Variants in KLHL32 observed in about 807,000 individuals in gnomAD.
KLHL32 encodes the protein kelch like family member 32.
KLHL32 carries 35 observed loss-of-function variants against 64.8 expected under a neutral mutation model. The observed-to-expected ratio is 0.54, with a 90% CI of 0.41 to 0.72. The LOEUF (loss-of-function observed/expected upper bound fraction) is 0.72. Ranked by LOEUF, KLHL32 falls within the 30% of genes least tolerant of loss-of-function variation. The pLI, the probability that KLHL32 is intolerant of heterozygous loss-of-function variation, is 0.00. For missense variants in KLHL32, 589 were observed against 768.5 expected (o/e 0.77, Z 2.76); for synonymous variants, 259 against 281.0 (o/e 0.92, Z 0.78).
chr6:97,027,893 A>G (rs1782965695), intron 3 of KLHL32, among the ~76,000 whole-genome samples: 1 of 152,160 alleles, frequency 6.6e-6, no homozygotes, highest in African/African-American at 2.4e-5. Context: ...CTGTTACTGT[A>G]TATATTTGAA....
chr6:97,060,809 C>A (rs1175457637), intron 4 of KLHL32, among the ~76,000 whole-genome samples: 1 of 152,152 alleles, frequency 6.6e-6, no homozygotes, highest in Non-Finnish European at 1.5e-5. Flanking sequence ...CCTTCTCCTG[C>A]ACTTGTGGGT....
chr6:96,952,127 A>T (rs1425344069), intron 1 of KLHL32, among the ~76,000 whole-genome samples: 2 of 152,164 alleles, frequency 1.3e-5, no homozygotes, highest in Non-Finnish European at 2.9e-5. Flanking sequence ...ATGGGATGGC[A>T]TCCTGTCCAG....
chr6:96,962,012 G>A (rs1053658017), intron 1 of KLHL32, among the ~76,000 whole-genome samples: 4 of 152,180 alleles, frequency 2.6e-5, no homozygotes, highest in Non-Finnish European at 4.4e-5. Flanking sequence ...TAACTAGTGG[G>A]AGTTTAGTTA....
At chr6:97,079,565 A>G (rs1792160616) in intron 5 of KLHL32, among the ~76,000 whole-genome samples, 1 of 152,060 alleles carries the variant, frequency 6.6e-6, no homozygotes, top group African/African-American at 2.4e-5. Context: ...CCACACAGAA[A>G]GACTGAGTTT....
upstream of KLHL32, among the ~76,000 whole-genome samples, chr6:96,920,711 G>GT (rs1166418322): frequency 6.6e-6 from 1 of 152,060 alleles, no homozygotes; most frequent in Non-Finnish European, 1.5e-5. Flanking sequence ...GATCTAATCT[G>GT]TTTTTTAAAT....
At chr6:96,982,937 G>A (rs1179183524) in intron 3 of KLHL32, among the ~76,000 whole-genome samples, 1 of 152,260 alleles carries the variant, frequency 6.6e-6, no homozygotes, top group Non-Finnish European at 1.5e-5. Flanking sequence ...AGTGGTGAGA[G>A]AGGGCATCCC....
intron 6 of KLHL32, among the ~76,000 whole-genome samples, chr6:97,086,978 G>C (rs1269533884): frequency 6.6e-6 from 1 of 152,222 alleles, no homozygotes; most frequent in Non-Finnish European, 1.5e-5. Context: ...GGCACTGCCA[G>C]AGATTGACGT....
At chr6:97,057,286 C>T (rs1244235131) in intron 4 of KLHL32, among the ~76,000 whole-genome samples, 3 of 103,942 alleles carry the variant, frequency 2.9e-5, no homozygotes, top group Non-Finnish European at 5.5e-5. Context: ...CGGGTTCACG[C>T]CATTCTCCTG....
intron 3 of KLHL32, among the ~76,000 whole-genome samples, chr6:96,991,058 G>A (rs1444342497): frequency 6.6e-6 from 1 of 152,038 alleles, no homozygotes; most frequent in Non-Finnish European, 1.5e-5. Flanking sequence ...GAAGCGCAGG[G>A]GGTCAAGGCC....
chr6:97,124,213 G>T (rs1201260686), intron 7 of KLHL32, among the ~76,000 whole-genome samples: 1 of 152,150 alleles, frequency 6.6e-6, no homozygotes, highest in African/African-American at 2.4e-5. Context: ...ATCCTGACTT[G>T]GCAAAAGTTG....
At chr6:96,999,052 G>A (rs943271464) in intron 3 of KLHL32, among the ~76,000 whole-genome samples, 11 of 152,164 alleles carry the variant, frequency 7.2e-5, no homozygotes, top group Non-Finnish European at 1.5e-4. Context: ...CATCTAATAG[G>A]CAGATTAACA....
intron 4 of KLHL32, chr6:97,062,240 A>G (rs1789027373): frequency 2.0e-5 from 3 of 152,238 alleles, no homozygotes; most frequent in Admixed American, 2.0e-4. Flanking sequence ...GGAGGTTATC[A>G]TAAATACCAG....
chr6:96,932,026 G>T (rs759117772), intron 1 of KLHL32, among the ~76,000 whole-genome samples: 1 of 151,912 alleles, frequency 6.6e-6, no homozygotes, highest in Non-Finnish European at 1.5e-5. Flanking sequence ...AGAGTCTCTC[G>T]TTCACTTGTT....
chr6:96,980,669 T>C (rs1776201029), intron 3 of KLHL32, among the ~76,000 whole-genome samples: 1 of 152,116 alleles, frequency 6.6e-6, no homozygotes, highest in South Asian at 2.1e-4. Flanking sequence ...ATGATACTTG[T>C]CCCATAGAAA....
At chr6:96,911,245 A>G in the KLHL32 span, among the ~76,000 whole-genome samples, 3 of 152,140 alleles carry the variant, frequency 2.0e-5, no homozygotes, top group African/African-American at 7.2e-5. Flanking sequence ...TGTGTCTTCC[A>G]CTTTCCTGAT....
At chr6:97,137,478 A>T (rs1800154401) in intron 10 of KLHL32, among the ~76,000 whole-genome samples, 1 of 152,124 alleles carries the variant, frequency 6.6e-6, no homozygotes, top group Admixed American at 6.5e-5. Flanking sequence ...TTTGTGAAAC[A>T]TGGATCCCCA....
intron 1 of KLHL32, among the ~76,000 whole-genome samples, chr6:96,933,630 A>G (rs1043271841): frequency 6.6e-6 from 1 of 152,164 alleles, no homozygotes; most frequent in Non-Finnish European, 1.5e-5. Context: ...AAGCATATTG[A>G]CAGTTTCAGG....
At chr6:96,961,018 A>G (rs1319925498) in intron 1 of KLHL32, among the ~76,000 whole-genome samples, 1 of 152,226 alleles carries the variant, frequency 6.6e-6, no homozygotes, top group Non-Finnish European at 1.5e-5. Context: ...CTCCTGGATC[A>G]GGAAAAAAAT....
At chr6:96,903,583 C>T in the KLHL32 span, among the ~76,000 whole-genome samples, 1 of 152,116 alleles carries the variant, frequency 6.6e-6, no homozygotes, top group African/African-American at 2.4e-5. Flanking sequence ...TAAGAGGAGG[C>T]CCGATGTGAC....
Sources: allele counts gnomAD v4.1 joint callset (sites outside exome capture counted in the v4.1 genomes callset), GRCh38; gene constraint gnomAD v4.1.1; transcripts MANE v1.5; gene names NCBI Gene and HGNC (gene_info 2026-07-23, HGNC 2026-07-21).